The following MTSS1 variants were observed in gnomAD, a reference collection of about 807,000 sequenced individuals.
MTSS1 encodes protein MTSS 1.
A neutral mutation model predicts 79.0 loss-of-function variants in MTSS1; 18 were observed. The ratio of observed to expected loss-of-function variants is 0.23; its 90% CI spans 0.16 to 0.34. The LOEUF is 0.34. Among genes scored for constraint, MTSS1 ranks in the 10% least tolerant of loss-of-function variants. MTSS1 has a pLI of 1.00. For missense variants in MTSS1, 815 were observed against 986.2 expected (o/e 0.83, Z 2.33); for synonymous variants, 341 against 368.6 (o/e 0.93, Z 0.86).
At chr8:124,639,478 A>AT (rs539181674) in intron 3 of MTSS1, among the ~76,000 whole-genome samples, 18 of 150,474 alleles carry the variant, frequency 1.2e-4, no homozygotes, top group Admixed American at 3.3e-4. Context: ...CCTTACTTAG[A>AT]TTTTTTTTTT....
intron 3 of MTSS1, among the ~76,000 whole-genome samples, chr8:124,639,644 A>G (rs1484113054): frequency 1.3e-5 from 2 of 152,026 alleles, no homozygotes; most frequent in Non-Finnish European, 2.9e-5. Flanking sequence ...TTGTATTTTT[A>G]GTAGAGATGG....
At chr8:124,656,447 C>A (rs1475231407) in intron 3 of MTSS1, among the ~76,000 whole-genome samples, 1 of 148,652 alleles carries the variant, frequency 6.7e-6, no homozygotes, top group Non-Finnish European at 1.5e-5. Flanking sequence ...ACCAAAAGGA[C>A]AATGAGCCAG....
intron 3 of MTSS1, among the ~76,000 whole-genome samples, chr8:124,685,250 T>A (rs1371207020): frequency 6.6e-6 from 1 of 152,216 alleles, no homozygotes; most frequent in Admixed American, 6.5e-5. Context: ...CACACAGCAC[T>A]GCAAAAATGT....
chr8:124,657,699 T>C (rs887141213), intron 3 of MTSS1, among the ~76,000 whole-genome samples: 2 of 152,154 alleles, frequency 1.3e-5, no homozygotes, highest in Non-Finnish European at 2.9e-5. Flanking sequence ...TTAACCAGGA[T>C]ACAGGGACCT....
intron 3 of MTSS1, among the ~76,000 whole-genome samples, chr8:124,675,449 C>A (rs1446039803): frequency 6.6e-6 from 1 of 152,130 alleles, no homozygotes; most frequent in African/African-American, 2.4e-5. Flanking sequence ...ATAGGGTGTA[C>A]CATATATAGT....
chr8:124,720,506 T>C (rs569349618), intron 1 of MTSS1, among the ~76,000 whole-genome samples: 14 of 152,328 alleles, frequency 9.2e-5, no homozygotes, highest in African/African-American at 3.1e-4. Flanking sequence ...TCAATGTATC[T>C]GACTTACAAA....
chr8:124,671,307 A>C (rs1410465775), intron 3 of MTSS1, among the ~76,000 whole-genome samples: 3 of 151,456 alleles, frequency 2.0e-5, no homozygotes, highest in African/African-American at 7.3e-5. Flanking sequence ...CCCGTTCTCC[A>C]CTCCAGAGAC....
At chr8:124,640,528 AT>A (rs1170097682) in intron 3 of MTSS1, among the ~76,000 whole-genome samples, 1 of 152,052 alleles carries the variant, frequency 6.6e-6, no homozygotes. Context: ...AAAGTAGAAA[AT>A]CCTTCTAGAT....
At chr8:124,581,454 A>AT (rs36050957) in intron 6 of MTSS1, among the ~76,000 whole-genome samples, 1,881 of 138,116 alleles carry the variant, frequency 0.014, 60 homozygotes, top group African/African-American at 0.05. Context: ...CTTTACCAGA[A>AT]TTTTTTTATT....
At chr8:124,586,630 G>T (rs961680417) in intron 5 of MTSS1, among the ~76,000 whole-genome samples, 2 of 152,132 alleles carry the variant, frequency 1.3e-5, no homozygotes, top group Non-Finnish European at 2.9e-5. Context: ...CTCGGGTCGC[G>T]CTCCCTGAGT....
Position 124,553,789 on chromosome 8 carries a change from A to G in MTSS1, c.1568-97T>C. On this transcript the variant is annotated intron_variant, in intron 13 of 13. Coordinates refer to ENST00000518547, the MANE Select transcript of MTSS1 (RefSeq NM_014751.6). This position sits in a 1 kb window ranked among gnomAD's most constrained non-coding sequence, Gnocchi z 6.0. ...ACAAAAGGCACGCAAGGCAGGGTAC[A>G]CACACAGTCTCATCCCAAGCTTCCC... 9.3e-7 allele frequency: 1 copy of G among 1,073,458 alleles called. No individual in the cohort carries two copies. Among genetic ancestry groups the G allele is most frequent in the Non-Finnish European group, 1.3e-6 (1 of 756,176 alleles). The allele number at this position is 1,073,458 out of a possible 1,614,324, so 66.5% of individuals were successfully genotyped here.
intron 3 of MTSS1, among the ~76,000 whole-genome samples, chr8:124,666,788 T>G (rs1014333038): frequency 5.3e-5 from 8 of 152,072 alleles, no homozygotes; most frequent in African/African-American, 1.9e-4. Context: ...AGTTGGCAGA[T>G]AGTGAGCTTT....
chr8:124,635,213 A>T (rs1204272542), intron 3 of MTSS1, among the ~76,000 whole-genome samples: 1 of 152,218 alleles, frequency 6.6e-6, no homozygotes, highest in African/African-American at 2.4e-5. Flanking sequence ...TAAAAAGGTA[A>T]GAGAAGGTAA....
At chr8:124,657,972 T>C (rs1046995458) in intron 3 of MTSS1, among the ~76,000 whole-genome samples, 5 of 152,044 alleles carry the variant, frequency 3.3e-5, no homozygotes, top group Non-Finnish European at 5.9e-5. Flanking sequence ...CCTTCACAAA[T>C]GGGATTAGTG....
At chr8:124,588,832 A>T (rs1020035274) in intron 5 of MTSS1, among the ~76,000 whole-genome samples, 1 of 152,050 alleles carries the variant, frequency 6.6e-6, no homozygotes, top group Non-Finnish European at 1.5e-5. Context: ...CTCGTGTCTC[A>T]GCCTCCCGAG....
chr8:124,559,386 G>T (rs1406050692), intron 10 of MTSS1, among the ~76,000 whole-genome samples: 1 of 152,200 alleles, frequency 6.6e-6, no homozygotes, highest in Non-Finnish European at 1.5e-5. Context: ...TCCATGAGGG[G>T]TGGTTTCCAG....
chr8:124,595,843 A>C (rs1285106913), intron 3 of MTSS1, among the ~76,000 whole-genome samples: 1 of 152,236 alleles, frequency 6.6e-6, no homozygotes, highest in Admixed American at 6.5e-5. Context: ...ATTCGCCCTC[A>C]CATGATCGGT....
intron 3 of MTSS1, among the ~76,000 whole-genome samples, chr8:124,663,052 C>T (rs1044975721): frequency 8.5e-5 from 13 of 152,144 alleles, no homozygotes; most frequent in Admixed American, 3.9e-4. Context: ...CCCCACCCAA[C>T]GCTGAAACCT....
intron 10 of MTSS1, among the ~76,000 whole-genome samples, chr8:124,561,310 T>C (rs3763540): frequency 0.42 from 64,051 of 151,920 alleles, 15,667 homozygotes; most frequent in Non-Finnish European, 0.56. Context: ...CCCAGCTACT[T>C]GGGAGGCTGA....
Sources: gnomAD v4.1 joint callset for allele counts (sites outside exome capture counted in the v4.1 genomes callset) on GRCh38, gnomAD v4.1.1 for gene constraint, Gnocchi (gnomAD v3.1) non-coding constraint, MANE v1.5 for transcripts, NCBI Gene and HGNC (gene_info 2026-07-23, HGNC 2026-07-21) for gene names.